Variants in PDE1C observed in about 807,000 individuals in gnomAD.
The protein encoded by PDE1C is dual specificity calcium/calmodulin-dependent 3',5'-cyclic nucleotide phosphodiesterase 1C.
A neutral mutation model predicts 93.1 loss-of-function variants in PDE1C; 62 were observed. That is an observed-to-expected ratio of 0.67 (90% CI 0.54 to 0.82). The LOEUF (loss-of-function observed/expected upper bound fraction) is 0.82. PDE1C is among the 40% of genes least tolerant of loss of function. The pLI is 0.00. For synonymous variants in PDE1C, 325 were observed against 310.1 expected (o/e 1.05, Z -0.50); for missense variants, 742 against 884.6 (o/e 0.84, Z 2.04).
At chr7:32,012,810 A>C (rs1787330363) in intron 2 of PDE1C, among the ~76,000 whole-genome samples, 1 of 152,216 alleles carries the variant, frequency 6.6e-6, no homozygotes, top group South Asian at 2.1e-4. Flanking sequence ...CAAATGACCT[A>C]CTATTTCAAG....
At chr7:31,725,228 G>T in the PDE1C span, among the ~76,000 whole-genome samples, 3 of 152,140 alleles carry the variant, frequency 2.0e-5, no homozygotes, top group African/African-American at 7.2e-5. Flanking sequence ...AGATGATCCT[G>T]ATGGCCATCG....
At chr7:32,112,838 GTGTGTGTGTATATATA>G (rs1563322946) in intron 3 of PDE1C, among the ~76,000 whole-genome samples, 1 of 61,320 alleles carries the variant, frequency 1.6e-5, no homozygotes, top group Non-Finnish European at 3.1e-5. Context: ...GTGTGTGTGT[GTGTGTGTGTATATATA>G]TATATATATA....
chr7:32,322,375 G>T (rs1783312138), intron 1 of PDE1C, among the ~76,000 whole-genome samples: 1 of 152,116 alleles, frequency 6.6e-6, no homozygotes, highest in Admixed American at 6.5e-5. Context: ...GCCGAAGCAG[G>T]AGGATCACTT....
At chr7:32,398,058 C>A (rs563537021) in intron 1 of PDE1C, among the ~76,000 whole-genome samples, 3 of 151,984 alleles carry the variant, frequency 2.0e-5, no homozygotes, top group African/African-American at 7.2e-5. Flanking sequence ...GAGGCTGAGG[C>A]AGGAGAATGG....
intron 2 of PDE1C, among the ~76,000 whole-genome samples, chr7:32,045,051 GC>G (rs916675475): frequency 1.7e-4 from 20 of 114,330 alleles, no homozygotes; most frequent in African/African-American, 5.1e-4. Flanking sequence ...CCTGTGCCCT[GC>G]CCCCCTCCCA....
chr7:31,627,309 G>T, the PDE1C span, among the ~76,000 whole-genome samples: 148,683 of 152,284 alleles, frequency 0.98, 72,599 homozygotes, highest in East Asian at 0.99. Flanking sequence ...GTAATATTGG[G>T]GATGCAAACA....
rs568150135 is a variant in PDE1C, at chr7:32,026,649, T to C, written c.128+24905A>G. 2.4e-4 allele frequency among the ~76,000 whole-genome samples: 37 copies of C among 152,146 alleles called. 1 individual carries two copies. In the South Asian group the frequency reaches 7.7e-3, roughly 32 times the overall value. On this transcript the variant is annotated intron_variant, in intron 2 of 17. Transcript: ENST00000396191. ...TTCAAAACTAAACACACTCTTAACA[T>C]CAGATCTGGGAATCATATATTCCTT...
chr7:31,952,034 T>G (rs559395486), intron 2 of PDE1C, among the ~76,000 whole-genome samples: 2 of 152,320 alleles, frequency 1.3e-5, no homozygotes, highest in Non-Finnish European at 2.9e-5. Context: ...TTACATTACT[T>G]CATAAATCCT....
intron 1 of PDE1C, among the ~76,000 whole-genome samples, chr7:32,354,066 A>G (rs1026684115): frequency 3.9e-5 from 6 of 152,222 alleles, no homozygotes; most frequent in African/African-American, 9.6e-5. Flanking sequence ...TTTCTCCTCT[A>G]TGACTTCCAA....
At chr7:32,093,861 T>C (rs1797609736) in intron 3 of PDE1C, among the ~76,000 whole-genome samples, 1 of 152,190 alleles carries the variant, frequency 6.6e-6, no homozygotes, top group Non-Finnish European at 1.5e-5. Flanking sequence ...GAGAGCTCTT[T>C]ATCAGATGGG....
At chr7:31,713,420 C>G in the PDE1C span, among the ~76,000 whole-genome samples, 1 of 152,328 alleles carries the variant, frequency 6.6e-6, no homozygotes, top group South Asian at 2.1e-4. Context: ...TATAGTCCCC[C>G]CTGGCTGCTT....
chr7:32,314,314 T>C (rs1240462243), intron 1 of PDE1C, among the ~76,000 whole-genome samples: 1 of 152,098 alleles, frequency 6.6e-6, no homozygotes, highest in Admixed American at 6.6e-5. Context: ...AATACAAAAA[T>C]TCTAGTTCAT....
the PDE1C span, chr7:31,692,639 G>A: frequency 1.1e-6 from 1 of 913,646 alleles, no homozygotes; most frequent in Non-Finnish European, 1.7e-6. Context: ...GATAGTCTGT[G>A]CCTTCTGGTG....
At chr7:32,365,504 C>T (rs1454067666) in intron 1 of PDE1C, among the ~76,000 whole-genome samples, 2 of 152,204 alleles carry the variant, frequency 1.3e-5, no homozygotes, top group Non-Finnish European at 2.9e-5. Flanking sequence ...ATACCTAGTA[C>T]AGCCGAGAAG....
At chr7:32,120,366 G>A (rs1036918291) in intron 3 of PDE1C, among the ~76,000 whole-genome samples, 2 of 152,180 alleles carry the variant, frequency 1.3e-5, no homozygotes, top group Non-Finnish European at 2.9e-5. Flanking sequence ...CCCAGGCAAA[G>A]CATACCCTCT....
chr7:31,811,030 G>A (rs953545633), intron 15 of PDE1C, among the ~76,000 whole-genome samples: 18 of 152,018 alleles, frequency 1.2e-4, no homozygotes, highest in African/African-American at 4.3e-4. Context: ...ATATGGTTTG[G>A]CTGTGTCCCC....
At chr7:31,692,751 G>GAGAA in the PDE1C span, among the ~76,000 whole-genome samples, 2 of 152,204 alleles carry the variant, frequency 1.3e-5, no homozygotes, top group East Asian at 3.9e-4. Flanking sequence ...GACAGAGAGA[G>GAGAA]AGAAAGAGAG....
intron 1 of PDE1C, among the ~76,000 whole-genome samples, chr7:32,270,513 G>A (rs76236749): frequency 0.2 from 30,604 of 152,120 alleles, 4,192 homozygotes; most frequent in Admixed American, 0.35. Flanking sequence ...CCCAAAGACC[G>A]TTAGAAAAGG....
rs1006691621 is a variant in PDE1C, at chr7:31,751,917, G to C, written c.*1467C>G. ...GGTCGAGGCCATCCGGGAACAAACA[G>C]CTCCTTCTTTGTAGGGCTGTCCTGG... On this transcript the variant is annotated 3_prime_UTR_variant, in exon 18 of 18. Coordinates refer to ENST00000396191, the MANE Select transcript of PDE1C (RefSeq NM_001191057.4). 6.6e-6 allele frequency: 1 copy of C among 152,110 alleles called. No individual in the cohort carries two copies. The highest frequency in any genetic ancestry group is 1.5e-5 in the Non-Finnish European group (1 of 68,048). 9.4% of individuals were successfully genotyped at this position (152,110 alleles called of 1,614,324 possible). A position where few individuals can be genotyped will look rare whatever the true frequency, so the allele number is the denominator to read the frequency against.
Sources: allele counts gnomAD v4.1 joint callset (sites outside exome capture counted in the v4.1 genomes callset), GRCh38; gene constraint gnomAD v4.1.1; transcripts MANE v1.5; gene names NCBI Gene and HGNC (gene_info 2026-07-23, HGNC 2026-07-21).